Variants in SIRPD observed in about 807,000 individuals in gnomAD.
SIRPD encodes the protein signal regulatory protein delta.
A neutral mutation model predicts 18.0 loss-of-function variants in SIRPD; 21 were observed. That is an observed-to-expected ratio of 1.17 (90% CI 0.83 to 1.68). SIRPD has a LOEUF of 1.68. SIRPD is among the 40% of genes most tolerant of loss of function. The probability of loss-of-function intolerance (pLI) is 0.00; values close to 1 mark genes in which losing one functional copy is unlikely to be tolerated. For missense variants in SIRPD, 295 were observed against 238.4 expected (o/e 1.24, Z -1.56); for synonymous variants, 106 against 92.9 (o/e 1.14, Z -0.81).
chr20:1,538,157 G>A (rs1433784178), intron 2 of SIRPD, among the ~76,000 whole-genome samples: 1 of 152,126 alleles, frequency 6.6e-6, no homozygotes, highest in African/African-American at 2.4e-5. Flanking sequence ...TGCCTCCTGT[G>A]ACTCAGTTTC....
chr20:1,554,965 C>A lies in SIRPD; in HGVS notation c.73+2616G>T, dbSNP rs77866001. Among the ~76,000 whole-genome samples the A allele has an allele frequency of 2.0e-3, 306 of 152,224 alleles. 2 individuals carry two copies. The highest frequency in any genetic ancestry group is 7.2e-3 in the African/African-American group (297 of 41,520). On this transcript the variant is annotated intron_variant, in intron 1 of 3. Transcript: ENST00000381623. Reference sequence around the variant, plus strand: ...TGTGTATTCTTGGGTAGCACACAAGCCACACTGACATTGAGTTCATGGCAG... The same window carrying A: ...TGTGTATTCTTGGGTAGCACACAAGACACACTGACATTGAGTTCATGGCAG...
intron 2 of SIRPD, among the ~76,000 whole-genome samples, chr20:1,537,899 C>G (rs2090954543): frequency 6.6e-6 from 1 of 151,930 alleles, no homozygotes; most frequent in Admixed American, 6.6e-5. Flanking sequence ...GGGTGCAGGG[C>G]CTTAGTGTGC....
intron 2 of SIRPD, among the ~76,000 whole-genome samples, chr20:1,549,352 A>G (rs935267721): frequency 6.8e-5 from 10 of 147,962 alleles, no homozygotes; most frequent in African/African-American, 2.6e-4. Context: ...GATGGCCATA[A>G]CAAGCAGTTT....
chr20:1,549,370 CTT>C lies in SIRPD; in HGVS notation c.421+2319_421+2320del, dbSNP rs11475966. ...GGCCATAACAAGCAGTTTCTGATAC[CTT>C]TTTTTTTTTGGTTTGTTTTTGGTAT... On this transcript the variant is annotated intron_variant, in intron 2 of 3. Coordinates refer to ENST00000381623, the MANE Select transcript of SIRPD (RefSeq NM_178460.3). Among the ~76,000 whole-genome samples, 22 of 147,324 alleles carry C rather than the reference CTT, an allele frequency of 1.5e-4. No individual in the cohort carries two copies. The South Asian group carries it at 1.7e-3, about 11-fold the overall frequency.
chr20:1,551,864 A>G lies in SIRPD; in HGVS notation c.248T>C (p.Phe83Ser), dbSNP rs2091020685. 6.2e-7 allele frequency: 1 copy of G among 1,613,996 alleles called. No homozygotes were observed. The highest frequency in any genetic ancestry group is 8.5e-7 in the Non-Finnish European group (1 of 1,179,992). Residue 83 changes from phenylalanine (F) to serine (S), a missense_variant, in exon 2 of 4, where the codon TTT becomes TCT. Phe to Ser is a radical substitution (Grantham distance 155, BLOSUM62 -2). Transcript: ENST00000381623. ...GTCTCCAATCTCTTTTACTCTGGGA[A>G]AGTTACCTTGTTTGAAATTGTAGAT... Reference protein sequence around the residue: ...KLIYNFKQGNFPRVKEIGDTT... With the variant: ...KLIYNFKQGNSPRVKEIGDTT...
chr20:1,544,333 T>G (rs2090984288), intron 2 of SIRPD, among the ~76,000 whole-genome samples: 1 of 152,182 alleles, frequency 6.6e-6, no homozygotes, highest in Non-Finnish European at 1.5e-5. Context: ...GTTAGCTCTT[T>G]TTGTTTTATT....
chr20:1,536,437 C>T (rs2090945904), intron 3 of SIRPD, among the ~76,000 whole-genome samples: 1 of 146,240 alleles, frequency 6.8e-6, no homozygotes, highest in South Asian at 2.4e-4. Flanking sequence ...GTGCTTTTAA[C>T]CACTTTATTA....
intron 3 of SIRPD, among the ~76,000 whole-genome samples, chr20:1,535,989 C>T (rs1317325947): frequency 3.3e-5 from 5 of 152,188 alleles, no homozygotes. Flanking sequence ...AGGAAGCGCA[C>T]ACCATTGCTT....
At chr20:1,543,760 TA>T (rs1420769163) in intron 2 of SIRPD, among the ~76,000 whole-genome samples, 1 of 152,228 alleles carries the variant, frequency 6.6e-6, no homozygotes, top group Non-Finnish European at 1.5e-5. Flanking sequence ...ATTAGTGCTA[TA>T]AATTTCCCTC....
intron 2 of SIRPD, 144 bp from the exon 3 acceptor site, chr20:1,537,454 G>A (rs10485824): frequency 0.19 from 187,619 of 975,380 alleles, 20,136 homozygotes; most frequent in Middle Eastern, 0.26. Flanking sequence ...ACTGATATAA[G>A]GGTCCCAAGG....
intron 1 of SIRPD, among the ~76,000 whole-genome samples, chr20:1,556,593 T>C (rs2091042374): frequency 6.6e-6 from 1 of 152,154 alleles, no homozygotes; most frequent in African/African-American, 2.4e-5. Flanking sequence ...AATGAGGTCA[T>C]TGAGGTGGGT....
chr20:1,546,270 A>G (rs769190105), intron 2 of SIRPD, among the ~76,000 whole-genome samples: 5 of 152,216 alleles, frequency 3.3e-5, no homozygotes, highest in East Asian at 3.9e-4. Context: ...AGTTTTATCT[A>G]TAAGCCCCTG....
intron 1 of SIRPD, among the ~76,000 whole-genome samples, chr20:1,554,806 A>G (rs1334390460): frequency 1.3e-5 from 2 of 152,330 alleles, no homozygotes; most frequent in Non-Finnish European, 2.9e-5. Context: ...TGCATTCTCA[A>G]TGAAGTTGCT....
intron 2 of SIRPD, among the ~76,000 whole-genome samples, chr20:1,546,586 T>A (rs1024551465): frequency 1.3e-5 from 2 of 152,230 alleles, no homozygotes; most frequent in Non-Finnish European, 2.9e-5. Context: ...ATGTTTTCAT[T>A]TCTCTTGAGT....
At chr20:1,549,146 C>G (rs1187194450) in intron 2 of SIRPD, among the ~76,000 whole-genome samples, 2 of 151,946 alleles carry the variant, frequency 1.3e-5, no homozygotes, top group African/African-American at 4.8e-5. Flanking sequence ...ATTTTTCTTT[C>G]AATTGTTGTA....
rs1027465097 is a variant in SIRPD, at chr20:1,537,047, C to T, written c.577+108G>A. ...GGAAGGGGTGGCAAAGAAAGAGGCC[C>T]TAGGACAACAGAGATTCATCCGCCC... is the stretch of plus-strand genomic sequence containing the variant. On this transcript the variant is annotated intron_variant, in intron 3 of 3. Coordinates refer to ENST00000381623, the MANE Select transcript of SIRPD (RefSeq NM_178460.3). 11 of 1,355,420 alleles carry T rather than the reference C, an allele frequency of 8.1e-6. No homozygotes were observed. In the African/African-American group the frequency reaches 1.6e-4, roughly 20 times the overall value. 84.0% of individuals were successfully genotyped at this position (1,355,420 alleles called of 1,614,324 possible).
At chr20:1,556,779 C>T (rs1024447318) in intron 1 of SIRPD, among the ~76,000 whole-genome samples, 2 of 152,222 alleles carry the variant, frequency 1.3e-5, no homozygotes, top group African/African-American at 4.8e-5. Flanking sequence ...CAGATTCAAC[C>T]TCACAGTCCT....
chr20:1,538,923 G>T (rs1405686244), intron 2 of SIRPD, among the ~76,000 whole-genome samples: 1 of 152,160 alleles, frequency 6.6e-6, no homozygotes, highest in African/African-American at 2.4e-5. Context: ...ATCATAATAA[G>T]ATGGTTGTTT....
At chr20:1,536,691 TATCTA>T (rs1181866874) in intron 3 of SIRPD, among the ~76,000 whole-genome samples, 5 of 152,218 alleles carry the variant, frequency 3.3e-5, no homozygotes, top group Non-Finnish European at 7.3e-5. Context: ...CCTATCTATC[TATCTA>T]ATCTATCTAT....
Sources: allele counts gnomAD v4.1 joint callset (sites outside exome capture counted in the v4.1 genomes callset), GRCh38; gene constraint gnomAD v4.1.1; transcripts MANE v1.5; gene names NCBI Gene and HGNC (gene_info 2026-07-23, HGNC 2026-07-21).